Variants in CARF observed in about 807,000 individuals in gnomAD.
CARF encodes the protein calcium-responsive transcription factor.
In CARF, 57 loss-of-function variants were observed where a neutral mutation model predicts 82.0. The observed-to-expected ratio is 0.70, with a 90% CI of 0.56 to 0.87. CARF has a LOEUF of 0.87. Ranked by LOEUF, CARF falls within the 40% of genes least tolerant of loss-of-function variation. The pLI, the probability that CARF is intolerant of heterozygous loss-of-function variation, is 0.00. For missense variants in CARF, 771 were observed against 855.8 expected (o/e 0.90, Z 1.24); for synonymous variants, 268 against 290.1 (o/e 0.92, Z 0.77).
rs1008898462 is a variant in CARF, at chr2:202,938,652, T to G, written c.-43-3208T>G. On this transcript the variant is annotated intron_variant, in intron 3 of 16. Coordinates refer to ENST00000438828, the MANE Select transcript of CARF (RefSeq NM_024744.17). ...AAAATGGGGGGTTTTGTGGGGGGGTTTTTTTTGTTTTTTTTTTGTTTTTGG... is the reference window on the plus strand; with the variant it reads ...AAAATGGGGGGTTTTGTGGGGGGGTGTTTTTTGTTTTTTTTTTGTTTTTGG... Among the ~76,000 whole-genome samples, 315 of 94,818 alleles carry G rather than the reference T, an allele frequency of 3.3e-3. 1 individual carries two copies. The highest frequency in any genetic ancestry group is 8.5e-3 in the South Asian group (19 of 2,238). 62.2% of individuals were successfully genotyped at this position (94,818 alleles called of 152,430 possible).
At chr2:202,955,834 A>G in intron 8 of CARF, 76 bp downstream of exon 8, 1 of 980,568 alleles carries the variant, frequency 1.0e-6, no homozygotes, top group East Asian at 2.4e-5. Flanking sequence ...GCCACTTTTG[A>G]GTACAACTAA....
intron 2 of CARF, among the ~76,000 whole-genome samples, chr2:202,923,983 G>A (rs1691331702): frequency 6.6e-6 from 1 of 152,166 alleles, no homozygotes; most frequent in Admixed American, 6.5e-5. Context: ...ACTCAAGATG[G>A]ATTAAGGACT....
intron 5 of CARF, among the ~76,000 whole-genome samples, chr2:202,948,913 T>C (rs895655254): frequency 2.7e-5 from 4 of 149,050 alleles, no homozygotes; most frequent in African/African-American, 1.0e-4. Context: ...GAGGGCATCC[T>C]TTTCTTGTGC....
At chr2:202,918,773 TA>T (rs998832733) in intron 2 of CARF, among the ~76,000 whole-genome samples, 1 of 152,148 alleles carries the variant, frequency 6.6e-6, no homozygotes, top group African/African-American at 2.4e-5. Flanking sequence ...GTCTGTAACT[TA>T]AAAATGTACT....
Position 202,983,692 on chromosome 2 carries a change from A to G in CARF, c.*68A>G. On this transcript the variant is annotated 3_prime_UTR_variant, in exon 17 of 17. Transcript: ENST00000438828. ...ATGTCTTAGAAAGGAAGGTGAATAT[A>G]GTCAAAGCGTGGCATTGAGATAATT... 1.0e-6 allele frequency: 1 copy of G among 955,170 alleles called. No individual in the cohort carries two copies. The highest frequency in any genetic ancestry group is 1.7e-5 in the African/African-American group (1 of 60,242). The allele number at this position is 955,170 out of a possible 1,614,324, so 59.2% of individuals were successfully genotyped here. A position where few individuals can be genotyped will look rare whatever the true frequency, so the allele number is the denominator to read the frequency against.
chr2:202,966,844 C>A, intron 9 of CARF, 134 bp from the exon 10 acceptor site: 1 of 726,154 alleles, frequency 1.4e-6, no homozygotes, highest in Non-Finnish European at 2.2e-6. Flanking sequence ...GTAAGTAAGA[C>A]TTACTAATGT....
rs2060407566 is a variant in CARF, at chr2:202,985,631, A to G, written c.*2007A>G. On this transcript the variant is annotated 3_prime_UTR_variant, in exon 17 of 17. Transcript: ENST00000438828. ...TCTTAATCTGTGTGTACATAAAAGG[A>G]ATAAGTCCAAATTAATTTATAGTTT... 6.6e-6 allele frequency: 1 copy of G among 152,172 alleles called. No homozygotes were observed. The highest frequency in any genetic ancestry group is 2.4e-5 in the African/African-American group (1 of 41,464). 9.4% of individuals were successfully genotyped at this position (152,172 alleles called of 1,614,324 possible).
chr2:202,956,078 A>ATTT (rs889746102), intron 8 of CARF, among the ~76,000 whole-genome samples: 5 of 134,528 alleles, frequency 3.7e-5, no homozygotes, highest in Admixed American at 1.5e-4. Context: ...GCTTGCACTT[A>ATTT]TTTTTTTTTT....
At chr2:202,963,616 A>G (rs2059415960) in intron 9 of CARF, among the ~76,000 whole-genome samples, 1 of 152,176 alleles carries the variant, frequency 6.6e-6, no homozygotes, top group South Asian at 2.1e-4. Context: ...CTACATTGTA[A>G]TATGTAATGA....
intron 3 of CARF, among the ~76,000 whole-genome samples, chr2:202,929,119 T>G (rs943254900): frequency 6.6e-6 from 1 of 152,250 alleles, no homozygotes; most frequent in African/African-American, 2.4e-5. Context: ...TGGAATAGTT[T>G]GCAAATATTT....
At chr2:202,928,239 C>T (rs1169020918) in intron 3 of CARF, among the ~76,000 whole-genome samples, 1 of 152,182 alleles carries the variant, frequency 6.6e-6, no homozygotes, top group Non-Finnish European at 1.5e-5. Context: ...TCTTTCTGTG[C>T]CTGGCTTATT....
chr2:202,950,438 T>C (rs2058702820), intron 5 of CARF, among the ~76,000 whole-genome samples: 1 of 152,214 alleles, frequency 6.6e-6, no homozygotes, highest in South Asian at 2.1e-4. Context: ...AAAATTTGTA[T>C]ATACATATTT....
chr2:202,986,893 T>TATATATACATATATATATATATAC lies in CARF; in HGVS notation c.*3276_*3277insCATATATATATATATACATATATA, dbSNP rs1559299283. On this transcript the variant is annotated 3_prime_UTR_variant, in exon 17 of 17. Transcript: ENST00000438828. ...GTATATATATATATATATATATATA[T>TATATATACATATATATATATATAC]ATATATATATATATAGCAACTTGAT... 3.8e-5 allele frequency: 5 copies of TATATATACATATATATATATATAC among 132,550 alleles called. No homozygotes were observed. The highest frequency in any genetic ancestry group is 2.5e-4 in the South Asian group (1 of 3,934). The allele number at this position is 132,550 out of a possible 1,614,324, so 8.2% of individuals were successfully genotyped here. A position where few individuals can be genotyped will look rare whatever the true frequency, so the allele number is the denominator to read the frequency against.
Position 202,916,249 on chromosome 2 carries a change from TG to T in CARF, c.-329-1626del, listed in dbSNP as rs554728666. 6.2e-3 allele frequency among the ~76,000 whole-genome samples: 951 copies of T among 152,202 alleles called. 7 individuals carry two copies. The highest frequency in any genetic ancestry group is 0.014 in the Middle Eastern group (4 of 294). ...AGGCTGTAGTGCCGTGGCACAATCTTGGCTCCCTGCGACCTGTGCTTCCCAG... is the reference window on the plus strand; with the variant it reads ...AGGCTGTAGTGCCGTGGCACAATCTTGCTCCCTGCGACCTGTGCTTCCCAG... On this transcript the variant is annotated intron_variant, in intron 1 of 16. Coordinates refer to ENST00000438828, the MANE Select transcript of CARF (RefSeq NM_024744.17).
chr2:202,972,688 A>AAAT (rs2105917358), intron 12 of CARF, among the ~76,000 whole-genome samples: 1 of 151,176 alleles, frequency 6.6e-6, no homozygotes, highest in East Asian at 1.9e-4. Flanking sequence ...AAAAAAAAAA[A>AAAT]AAAAAAAGGC....
chr2:202,969,974 A>C lies in CARF; in HGVS notation c.1009A>C (p.Lys337Gln). The C allele has an allele frequency of 6.4e-7, 1 of 1,573,682 alleles. No individual in the cohort carries two copies. The highest frequency in any genetic ancestry group is 8.6e-7 in the Non-Finnish European group (1 of 1,168,564). ...FPEYRVPTDP[K>Q]IDKKIIRMEQ... is the part of the protein sequence containing the mutation. ...TGAATATAGAGTTCCTACAGACCCC[A>C]AAATTGACAAGAAAATTATCAGAAT... Residue 337 changes from lysine (K) to glutamine (Q), a missense_variant, in exon 11 of 17, where the codon AAA (lysine) becomes CAA (glutamine). Physicochemically the swap from Lys to Gln is moderately conservative, Grantham distance 53 (BLOSUM62 1). Coordinates refer to ENST00000438828, the MANE Select transcript of CARF (RefSeq NM_024744.17).
At position 202,985,753 on chromosome 2, in the gene CARF, G is replaced by A. The variant is rs560465272; in HGVS notation, c.*2129G>A. ...AATAATAAATCGTTACGTCTCAATA[G>A]TGGTAATAGTGGTAATGGTTTATTA... On this transcript the variant is annotated 3_prime_UTR_variant, in exon 17 of 17. Coordinates refer to ENST00000438828, the MANE Select transcript of CARF (RefSeq NM_024744.17). 6.6e-6 allele frequency: 1 copy of A among 152,172 alleles called. No individual in the cohort carries two copies. The highest frequency in any genetic ancestry group is 1.9e-4 in the East Asian group (1 of 5,186). 9.4% of individuals were successfully genotyped at this position (152,172 alleles called of 1,614,324 possible).
At chr2:202,982,893 TTTG>T (rs1178960681) in intron 16 of CARF, among the ~76,000 whole-genome samples, 1 of 152,110 alleles carries the variant, frequency 6.6e-6, no homozygotes, top group Non-Finnish European at 1.5e-5. Flanking sequence ...TTTTTGGTTT[TTTG>T]TTGTTTTGAG....
At chr2:202,977,370 A>G (rs564407641) in intron 14 of CARF, 38 bp downstream of exon 14, 4 of 1,467,644 alleles carry the variant, frequency 2.7e-6, no homozygotes, top group Non-Finnish European at 2.9e-6. Flanking sequence ...ATAAATTCAA[A>G]TGGTGTTTAA....
Sources: allele counts gnomAD v4.1 joint callset (sites outside exome capture counted in the v4.1 genomes callset), GRCh38; gene constraint gnomAD v4.1.1; transcripts MANE v1.5; gene names NCBI Gene and HGNC (gene_info 2026-07-23, HGNC 2026-07-21).